Variants in TMEM132C observed in about 807,000 individuals in gnomAD.
The protein encoded by TMEM132C is protein phosphatase 1, regulatory subunit 152.
A neutral mutation model predicts 61.4 loss-of-function variants in TMEM132C; 29 were observed. The observed-to-expected ratio is 0.47, with a 90% CI of 0.35 to 0.64. The LOEUF is 0.64. Ranked by LOEUF, TMEM132C falls within the 30% of genes least tolerant of loss-of-function variation. The pLI, the probability that TMEM132C is intolerant of heterozygous loss-of-function variation, is 0.00. For missense variants in TMEM132C, 1,408 were observed against 1,476.9 expected (o/e 0.95, Z 0.76); for synonymous variants, 656 against 633.1 (o/e 1.04, Z -0.54).
rs1337431402 is a variant in TMEM132C at position 128,427,420 on chromosome 12, G to GTA, written c.974+11801_974+11802insAT. On this transcript the variant is annotated intron_variant, in intron 2 of 8. Transcript: ENST00000435159. The stretch of plus-strand genomic sequence containing the variant: ...TGTGTGTGTGTGTGTGTGTGTGTGT[G>GTA]TGTGTGTGTATATATATTTAAGGAG... Among the ~76,000 whole-genome samples, 222 of 143,150 alleles carry GTA rather than the reference G, an allele frequency of 1.6e-3. 1 individual carries two copies. Among genetic ancestry groups the GTA allele is most frequent in the African/African-American group, 5.5e-3 (205 of 37,368 alleles). 93.9% of individuals were successfully genotyped at this position (143,150 alleles called of 152,430 possible).
In TMEM132C at chr12:128,601,277, C is replaced by G. The variant is rs561374776; in HGVS notation, c.1122-14875C>G. 2.6e-4 allele frequency among the ~76,000 whole-genome samples: 39 copies of G among 152,294 alleles called. 1 individual carries two copies. The Middle Eastern group carries it at 0.014, about 53-fold the overall frequency. On this transcript the variant is annotated intron_variant, in intron 3 of 8. Transcript: ENST00000435159. Reference sequence around the variant, plus strand: ...CTCCCTTCTTGAGTAAAAATGAATACCAACCTGACTTGTGGAAGGAAAGAA... The same window carrying G: ...CTCCCTTCTTGAGTAAAAATGAATAGCAACCTGACTTGTGGAAGGAAAGAA...
At chr12:128,551,723 TC>T (rs1874182750) in intron 3 of TMEM132C, among the ~76,000 whole-genome samples, 1 of 152,136 alleles carries the variant, frequency 6.6e-6, no homozygotes, top group Non-Finnish European at 1.5e-5. Context: ...ATCCTCCTGT[TC>T]CTTAGGAAGC....
intron 5 of TMEM132C, among the ~76,000 whole-genome samples, chr12:128,674,636 A>G (rs1954565210): frequency 6.6e-6 from 1 of 152,178 alleles, no homozygotes; most frequent in African/African-American, 2.4e-5. Context: ...GCAGAGCTAC[A>G]GTGTGCTCAC....
intron 2 of TMEM132C, among the ~76,000 whole-genome samples, chr12:128,541,043 C>G (rs904765811): frequency 2.0e-5 from 3 of 151,940 alleles, no homozygotes; most frequent in African/African-American, 7.2e-5. Context: ...CTCTCTCTCT[C>G]TCTGTGTGTC....
chr12:128,572,961 G>A (rs1874947153), intron 3 of TMEM132C, among the ~76,000 whole-genome samples: 3 of 152,248 alleles, frequency 2.0e-5, no homozygotes, highest in Admixed American at 1.3e-4. Context: ...AACAGGTGCT[G>A]GAGAGGATGT....
intron 1 of TMEM132C, among the ~76,000 whole-genome samples, chr12:128,360,245 GACACACACACACAC>G (rs145728632): frequency 2.1e-5 from 3 of 146,100 alleles, no homozygotes; most frequent in South Asian, 4.4e-4. Context: ...GATAAAGGAC[GACACACACACACAC>G]ACACACACAC....
intron 2 of TMEM132C, among the ~76,000 whole-genome samples, chr12:128,504,609 T>C (rs1239414529): frequency 6.6e-6 from 1 of 152,084 alleles, no homozygotes; most frequent in Admixed American, 6.5e-5. Context: ...CCACTTTCTC[T>C]CTGTGTCTTC....
At chr12:128,388,079 G>A (rs1244140998) in intron 1 of TMEM132C, among the ~76,000 whole-genome samples, 1 of 152,242 alleles carries the variant, frequency 6.6e-6, no homozygotes, top group Non-Finnish European at 1.5e-5. Context: ...TTCACCCAGG[G>A]GATCCCTCCA....
chr12:128,434,874 G>A (rs533844851), intron 2 of TMEM132C, among the ~76,000 whole-genome samples: 3 of 151,500 alleles, frequency 2.0e-5, no homozygotes, highest in East Asian at 1.9e-4. Flanking sequence ...TGCCTGCCTC[G>A]ACCTCCCAAA....
At chr12:128,473,667 A>G (rs1049018071) in intron 2 of TMEM132C, among the ~76,000 whole-genome samples, 2 of 138,460 alleles carry the variant, frequency 1.4e-5, no homozygotes, top group Admixed American at 7.3e-5. Flanking sequence ...TTCTCACTCC[A>G]GCTTCTATCT....
chr12:128,327,074 A>C (rs1324811666), intron 1 of TMEM132C, among the ~76,000 whole-genome samples: 1 of 149,988 alleles, frequency 6.7e-6, no homozygotes, highest in Admixed American at 6.6e-5. Context: ...GTGTCATATC[A>C]CACCATTTAT....
chr12:128,645,793 G>A (rs1035971263), intron 4 of TMEM132C, among the ~76,000 whole-genome samples: 5 of 151,446 alleles, frequency 3.3e-5, no homozygotes, highest in African/African-American at 7.3e-5. Flanking sequence ...GTCCATCGGC[G>A]TGGGATATGA....
At chr12:128,406,326 A>T (rs973751257) in intron 1 of TMEM132C, among the ~76,000 whole-genome samples, 3 of 152,226 alleles carry the variant, frequency 2.0e-5, no homozygotes, top group Admixed American at 1.3e-4. Flanking sequence ...GTGTTGAATG[A>T]GTCGTCACTG....
chr12:128,361,858 C>T (rs1287089048), intron 1 of TMEM132C, among the ~76,000 whole-genome samples: 3 of 152,042 alleles, frequency 2.0e-5, no homozygotes, highest in Non-Finnish European at 4.4e-5. Flanking sequence ...GCTGCTATTC[C>T]CCATTAGGAA....
chr12:128,313,188 C>T (rs35742488), intron 1 of TMEM132C, among the ~76,000 whole-genome samples: 55,148 of 152,210 alleles, frequency 0.36, 10,674 homozygotes, highest in Non-Finnish European at 0.43. Context: ...ATTATGAAGC[C>T]AAATCTCCAG....
chr12:128,400,712 G>A (rs983308687), intron 1 of TMEM132C, among the ~76,000 whole-genome samples: 5 of 151,456 alleles, frequency 3.3e-5, no homozygotes, highest in Admixed American at 6.6e-5. Context: ...GGGTTCAAGC[G>A]ATTCTCTTTA....
At chr12:128,590,766 A>G (rs1458311453) in intron 3 of TMEM132C, among the ~76,000 whole-genome samples, 2 of 152,150 alleles carry the variant, frequency 1.3e-5, no homozygotes, top group East Asian at 3.9e-4. Flanking sequence ...TCAGGCAGAC[A>G]TATGTTCTTC....
chr12:128,686,525 T>C (rs1954678451), intron 5 of TMEM132C, among the ~76,000 whole-genome samples: 1 of 152,154 alleles, frequency 6.6e-6, no homozygotes, highest in Non-Finnish European at 1.5e-5. Flanking sequence ...CCCAGGACTT[T>C]GAAGTTGTAG....
At chr12:128,336,769 C>T (rs182981494) in intron 1 of TMEM132C, among the ~76,000 whole-genome samples, 63 of 152,312 alleles carry the variant, frequency 4.1e-4, no homozygotes, top group African/African-American at 1.3e-3. Context: ...ACCCAGCTCA[C>T]TGAGAACAGC....
Sources: gnomAD v4.1 joint callset for allele counts (sites outside exome capture counted in the v4.1 genomes callset) on GRCh38, gnomAD v4.1.1 for gene constraint, MANE v1.5 for transcripts, NCBI Gene and HGNC (gene_info 2026-07-23, HGNC 2026-07-21) for gene names.